The following MCTP1 variants were observed in gnomAD, a reference collection of about 807,000 sequenced individuals.
MCTP1 encodes the protein multiple C2 and transmembrane domain-containing protein 1.
Under a neutral mutation model 120.6 loss-of-function variants are expected in MCTP1, and 69 were observed. That is an observed-to-expected ratio of 0.57 (90% CI 0.47 to 0.70). The LOEUF is 0.70. MCTP1 is among the 30% of genes least tolerant of loss of function. MCTP1 has a pLI of 0.00. For synonymous variants in MCTP1, 529 were observed against 493.1 expected, an observed-to-expected ratio of 1.07 and a Z score of -0.96; for missense variants, 1,203 against 1,248.8, an observed-to-expected ratio of 0.96 and a Z score of 0.55.
At chr5:95,235,572 C>T (rs10050581) in intron 1 of MCTP1, among the ~76,000 whole-genome samples, 22,736 of 151,818 alleles carry the variant, frequency 0.15, 1,853 homozygotes, top group Non-Finnish European at 0.19. Flanking sequence ...GAAAAATGCA[C>T]ATCATGAATG....
At chr5:94,867,206 G>C (rs1796979336) in intron 17 of MCTP1, 1 of 1,282,368 alleles carries the variant, frequency 7.8e-7, no homozygotes, top group Non-Finnish European at 1.0e-6. Context: ...GAGAGAGACA[G>C]AGAGAGAGAG....
intron 1 of MCTP1, among the ~76,000 whole-genome samples, chr5:95,040,016 T>G (rs936198286): frequency 6.6e-6 from 1 of 152,146 alleles, no homozygotes; most frequent in Non-Finnish European, 1.5e-5. Flanking sequence ...ACTATAAGAT[T>G]GTCAAATGTT....
chr5:95,098,944 A>T (rs1387456993), intron 1 of MCTP1, among the ~76,000 whole-genome samples: 1 of 152,200 alleles, frequency 6.6e-6, no homozygotes, highest in Non-Finnish European at 1.5e-5. Context: ...ATGGAACAGA[A>T]CAGAGCCCTC....
intron 1 of MCTP1, among the ~76,000 whole-genome samples, chr5:95,210,110 T>C (rs1227620281): frequency 1.3e-5 from 2 of 152,186 alleles, no homozygotes; most frequent in Non-Finnish European, 2.9e-5. Context: ...TGGTCAATTT[T>C]GGAATAGGTG....
chr5:95,245,656 G>T (rs1399458048), intron 1 of MCTP1, among the ~76,000 whole-genome samples: 1 of 151,866 alleles, frequency 6.6e-6, no homozygotes, highest in East Asian at 1.9e-4. Context: ...AATGAACAAA[G>T]CCTCCAAGAA....
rs75807234 is a variant in MCTP1 at position 94,761,458 on chromosome 5, T to A, written c.2610+17652A>T. ...AGAAAATGACAATTCATCTTGTAAA[T>A]CAAAAACAAAAATAAATATGCACAG... On this transcript the variant is annotated intron_variant, in intron 19 of 22. Coordinates refer to ENST00000515393, the MANE Select transcript of MCTP1 (RefSeq NM_024717.7). Among the ~76,000 whole-genome samples, 900 of 152,220 alleles carry A rather than the reference T, an allele frequency of 5.9e-3. 4 individuals carry two copies. Among genetic ancestry groups the A allele is most frequent in the African/African-American group, 0.021 (872 of 41,538 alleles).
rs1434751775 is a variant in MCTP1 at position 94,731,488 on chromosome 5, T to C, written c.2611-16602A>G. Among the ~76,000 whole-genome samples, 4 of 152,348 alleles carry C rather than the reference T, an allele frequency of 2.6e-5. No homozygotes were observed. In the South Asian group the frequency reaches 6.2e-4, roughly 24 times the overall value. On this transcript the variant is annotated intron_variant, in intron 19 of 22. Coordinates refer to ENST00000515393, the MANE Select transcript of MCTP1 (RefSeq NM_024717.7). ...GTTACTGTAATTATCTGAGTGCTGA[T>C]AGATTACAATAAATATTGACTTTTC...
chr5:95,224,405 C>T (rs1429987880), intron 1 of MCTP1, among the ~76,000 whole-genome samples: 2 of 152,072 alleles, frequency 1.3e-5, no homozygotes, highest in African/African-American at 4.8e-5. Flanking sequence ...TACTCTAACA[C>T]ATCCCAAAGA....
chr5:95,089,796 A>G (rs1460604197), intron 1 of MCTP1, among the ~76,000 whole-genome samples: 1 of 152,246 alleles, frequency 6.6e-6, no homozygotes, highest in Non-Finnish European at 1.5e-5. Flanking sequence ...ACTAGCTCAC[A>G]AACTGTCACC....
At chr5:95,195,453 C>G (rs1750277286) in intron 1 of MCTP1, among the ~76,000 whole-genome samples, 1 of 152,068 alleles carries the variant, frequency 6.6e-6, no homozygotes, top group South Asian at 2.1e-4. Flanking sequence ...GTGGGTAGCA[C>G]AGGAAATGGA....
At chr5:95,145,563 G>C (rs577704130) in intron 1 of MCTP1, among the ~76,000 whole-genome samples, 3 of 152,198 alleles carry the variant, frequency 2.0e-5, no homozygotes, top group African/African-American at 7.2e-5. Flanking sequence ...TTTGAGGTAT[G>C]TGTCTTCAAT....
At chr5:94,909,095 T>C (rs979987213) in intron 10 of MCTP1, among the ~76,000 whole-genome samples, 156 bp downstream of exon 10, 6 of 152,212 alleles carry the variant, frequency 3.9e-5, no homozygotes, top group Middle Eastern at 3.4e-3. Context: ...GGTCAGTTTT[T>C]GAATCTATTT....
At chr5:95,100,644 G>A (rs1230335354) in intron 1 of MCTP1, among the ~76,000 whole-genome samples, 3 of 152,170 alleles carry the variant, frequency 2.0e-5, no homozygotes, top group Admixed American at 6.5e-5. Flanking sequence ...TGACACTTCT[G>A]TTTTTGAGTG....
intron 1 of MCTP1, among the ~76,000 whole-genome samples, chr5:95,191,336 T>G (rs1171256825): frequency 6.6e-6 from 1 of 151,990 alleles, no homozygotes; most frequent in Non-Finnish European, 1.5e-5. Context: ...CAGAATAAAT[T>G]TTTTAAAAAG....
At chr5:94,933,186 C>T (rs542927289) in intron 5 of MCTP1, among the ~76,000 whole-genome samples, 48 of 151,694 alleles carry the variant, frequency 3.2e-4, no homozygotes, top group African/African-American at 1.1e-3. Context: ...CTCATCACGC[C>T]TACTTTTTTT....
intron 1 of MCTP1, among the ~76,000 whole-genome samples, chr5:95,024,943 T>C (rs1838958489): frequency 6.6e-6 from 1 of 152,170 alleles, no homozygotes; most frequent in African/African-American, 2.4e-5. Flanking sequence ...GGAAGGATTG[T>C]ACATATTCAT....
At chr5:94,744,128 A>G (rs2152765376) in intron 19 of MCTP1, among the ~76,000 whole-genome samples, 1 of 151,874 alleles carries the variant, frequency 6.6e-6, no homozygotes, top group South Asian at 2.1e-4. Flanking sequence ...ACGCCACCAC[A>G]CCCAGCTAAT....
intron 1 of MCTP1, among the ~76,000 whole-genome samples, chr5:95,239,045 A>C (rs1208928032): frequency 6.6e-6 from 1 of 152,140 alleles, no homozygotes; most frequent in Non-Finnish European, 1.5e-5. Context: ...ACCACCCAAA[A>C]CAGATTTTCT....
chr5:95,089,370 T>C (rs754422762), intron 1 of MCTP1, among the ~76,000 whole-genome samples: 1 of 152,246 alleles, frequency 6.6e-6, no homozygotes, highest in Non-Finnish European at 1.5e-5. Context: ...AAAGCAAGTT[T>C]AATTTCAGAA....
Sources: allele counts gnomAD v4.1 joint callset (sites outside exome capture counted in the v4.1 genomes callset), GRCh38; gene constraint gnomAD v4.1.1; transcripts MANE v1.5; gene names NCBI Gene and HGNC (gene_info 2026-07-23, HGNC 2026-07-21).